The following TBC1D32 variants were observed in gnomAD, a reference collection of about 807,000 sequenced individuals.
TBC1D32 encodes the protein TBC1 domain family member 32.
TBC1D32 carries 151 observed loss-of-function variants against 170.3 expected under a neutral mutation model. The observed-to-expected ratio is 0.89, with a 90% CI of 0.78 to 1.01. The LOEUF is 1.01. TBC1D32 is among the 50% of genes least tolerant of loss of function. The pLI is 0.00. For synonymous variants in TBC1D32, 498 were observed against 488.0 expected, an observed-to-expected ratio of 1.02 and a Z score of -0.27; for missense variants, 1,464 against 1,457.1, an observed-to-expected ratio of 1.00 and a Z score of -0.08.
At chr6:121,194,684 A>G (rs1384011765) in intron 22 of TBC1D32, among the ~76,000 whole-genome samples, 2 of 152,228 alleles carry the variant, frequency 1.3e-5, no homozygotes, top group Non-Finnish European at 2.9e-5. Context: ...GGCCCACCAG[A>G]AGCAATTTTT....
intron 15 of TBC1D32, among the ~76,000 whole-genome samples, chr6:121,267,127 TAAA>T (rs10695424): frequency 7.9e-6 from 1 of 126,226 alleles, no homozygotes; most frequent in Non-Finnish European, 1.7e-5. Context: ...TGTGCTCTTC[TAAA>T]AAAAAAAAAA....
At chr6:121,185,599 T>C (rs1002320534) in intron 22 of TBC1D32, among the ~76,000 whole-genome samples, 3 of 152,058 alleles carry the variant, frequency 2.0e-5, no homozygotes, top group Non-Finnish European at 4.4e-5. Flanking sequence ...ACTCAGAAGA[T>C]AGTAAATAAC....
chr6:121,172,282 T>C (rs1047020868), intron 22 of TBC1D32, among the ~76,000 whole-genome samples: 1 of 152,096 alleles, frequency 6.6e-6, no homozygotes, highest in Non-Finnish European at 1.5e-5. Flanking sequence ...ACAGTAAATT[T>C]TGGGCTCCTC....
chr6:121,093,677 T>C (rs761288485), intron 30 of TBC1D32, among the ~76,000 whole-genome samples: 1 of 152,160 alleles, frequency 6.6e-6, no homozygotes, highest in Non-Finnish European at 1.5e-5. Flanking sequence ...TTATTATACA[T>C]AGTTTCTAAT....
chr6:121,139,207 T>C (rs1362176268), intron 24 of TBC1D32, among the ~76,000 whole-genome samples: 1 of 152,180 alleles, frequency 6.6e-6, no homozygotes. Context: ...TTTAGTTGAT[T>C]GGGGGGAATT....
intron 1 of TBC1D32, among the ~76,000 whole-genome samples, chr6:121,327,138 G>T (rs1173508322): frequency 4.9e-5 from 2 of 40,668 alleles, no homozygotes; most frequent in Non-Finnish European, 9.9e-5. Context: ...GAGACAGGGA[G>T]GGAGCAAGAG....
chr6:121,143,167 TGATATTCTAAGTA>T (rs1783010365), intron 24 of TBC1D32, among the ~76,000 whole-genome samples: 1 of 152,080 alleles, frequency 6.6e-6, no homozygotes, highest in Admixed American at 6.6e-5. Flanking sequence ...TAAGTAGAAA[TGATATTCTAAGTA>T]GATATTCTAA....
intron 20 of TBC1D32, among the ~76,000 whole-genome samples, chr6:121,225,418 T>G (rs1794949908): frequency 6.6e-6 from 1 of 152,020 alleles, no homozygotes; most frequent in East Asian, 1.9e-4. Flanking sequence ...AAGAATCTTT[T>G]CTACCATAAT....
At chr6:121,297,853 T>C (rs548968421) in intron 10 of TBC1D32, among the ~76,000 whole-genome samples, 28 of 152,242 alleles carry the variant, frequency 1.8e-4, no homozygotes, top group Non-Finnish European at 3.1e-4. Flanking sequence ...GGTTACCATA[T>C]TGTACAACAC....
At chr6:121,256,684 CTT>C (rs986421223) in intron 15 of TBC1D32, among the ~76,000 whole-genome samples, 2 of 135,166 alleles carry the variant, frequency 1.5e-5, no homozygotes, top group Admixed American at 1.7e-4. Flanking sequence ...TTTTTTTTTT[CTT>C]TTTTTTTTTG....
intron 20 of TBC1D32, among the ~76,000 whole-genome samples, chr6:121,223,920 T>C (rs953870598): frequency 7.2e-5 from 11 of 152,176 alleles, no homozygotes; most frequent in African/African-American, 2.4e-4. Flanking sequence ...TCACTCTCAT[T>C]GCATCTTATT....
intron 24 of TBC1D32, among the ~76,000 whole-genome samples, chr6:121,137,712 A>G (rs1303298360): frequency 1.3e-5 from 2 of 151,942 alleles, no homozygotes; most frequent in African/African-American, 4.8e-5. Context: ...TAAAAATGTA[A>G]GATTATTATA....
chr6:121,234,955 G>C (rs562830099), intron 20 of TBC1D32, among the ~76,000 whole-genome samples: 20 of 152,274 alleles, frequency 1.3e-4, no homozygotes, highest in Admixed American at 7.2e-4. Flanking sequence ...CCTGAGAGCT[G>C]AACTATAGTA....
intron 22 of TBC1D32, among the ~76,000 whole-genome samples, chr6:121,179,120 A>G (rs1051390910): frequency 2.0e-5 from 3 of 152,158 alleles, no homozygotes; most frequent in African/African-American, 7.2e-5. Flanking sequence ...TAAAAGTATG[A>G]TAATGCTATT....
At chr6:121,333,777 G>A (rs1198358232) in intron 1 of TBC1D32, among the ~76,000 whole-genome samples, 1 of 152,108 alleles carries the variant, frequency 6.6e-6, no homozygotes, top group African/African-American at 2.4e-5. Flanking sequence ...TAAAAATATA[G>A]AGGCGGCGGC....
intron 15 of TBC1D32, among the ~76,000 whole-genome samples, chr6:121,273,781 C>T (rs1225217795): frequency 6.6e-6 from 1 of 152,098 alleles, no homozygotes; most frequent in Non-Finnish European, 1.5e-5. Context: ...ACTCTTGTGC[C>T]AATCACCACT....
intron 2 of TBC1D32, among the ~76,000 whole-genome samples, chr6:121,318,738 T>C (rs556852121): frequency 4.0e-5 from 6 of 150,852 alleles, no homozygotes; most frequent in South Asian, 2.1e-4. Context: ...TATATATATA[T>C]ACACATATAT....
chr6:121,149,916 G>A (rs149646556), intron 24 of TBC1D32, among the ~76,000 whole-genome samples: 1,887 of 152,174 alleles, frequency 0.012, 38 homozygotes, highest in African/African-American at 0.043. Flanking sequence ...ATTCGTTTGT[G>A]TCCTCTCTTA....
rs555106734 is a variant in TBC1D32, at chr6:121,153,607, C to T, written c.2773+6403G>A. The stretch of plus-strand genomic sequence containing the variant: ...GCTGCACCCACAACCGCCCCTTCCC[C>T]CTGGGGCTCTGTCCCATGGAGATGC... On this transcript the variant is annotated intron_variant, in intron 24 of 31. Transcript: ENST00000398212. Among the ~76,000 whole-genome samples the T allele has an allele frequency of 1.2e-3, 185 of 152,246 alleles. 3 individuals carry two copies. The highest frequency in any genetic ancestry group is 4.2e-3 in the African/African-American group (174 of 41,556).
Sources: allele counts gnomAD v4.1 joint callset (sites outside exome capture counted in the v4.1 genomes callset), GRCh38; gene constraint gnomAD v4.1.1; transcripts MANE v1.5; gene names NCBI Gene and HGNC (gene_info 2026-07-23, HGNC 2026-07-21).